The following ENOX1 variants were observed in gnomAD, a reference collection of about 807,000 sequenced individuals.
The protein encoded by ENOX1 is candidate growth-related and time keeping constitutive hydroquinone (NADH) oxidase.
In ENOX1, 42 loss-of-function variants were observed where a neutral mutation model predicts 82.5. The observed-to-expected ratio is 0.51, with a 90% CI of 0.40 to 0.66. ENOX1 has a LOEUF of 0.66. Among genes scored for constraint, ENOX1 ranks in the 30% least tolerant of loss-of-function variants. ENOX1 has a pLI of 0.00. For missense variants in ENOX1, 608 were observed against 811.6 expected, an observed-to-expected ratio of 0.75 and a Z score of 3.05; for synonymous variants, 271 against 282.2, an observed-to-expected ratio of 0.96 and a Z score of 0.40.
At chr13:43,288,839 ATC>A (rs1468098886) in intron 12 of ENOX1, among the ~76,000 whole-genome samples, 1 of 152,116 alleles carries the variant, frequency 6.6e-6, no homozygotes, top group Admixed American at 6.6e-5. Flanking sequence ...AAGTATTTAC[ATC>A]TTTCATAATG....
At chr13:43,451,696 TCTC>T (rs780734898) in intron 3 of ENOX1, among the ~76,000 whole-genome samples, 7 of 152,206 alleles carry the variant, frequency 4.6e-5, no homozygotes, top group Admixed American at 2.6e-4. Context: ...TTGCTCCTAG[TCTC>T]CTACTTCTAC....
At chr13:43,543,659 A>G (rs1252530395) in intron 2 of ENOX1, among the ~76,000 whole-genome samples, 1 of 149,844 alleles carries the variant, frequency 6.7e-6, no homozygotes, top group Non-Finnish European at 1.5e-5. Flanking sequence ...GTTACCCATA[A>G]TGATGCAAAG....
intron 8 of ENOX1, among the ~76,000 whole-genome samples, chr13:43,354,045 G>C (rs1384673839): frequency 6.6e-6 from 1 of 152,110 alleles, no homozygotes; most frequent in East Asian, 1.9e-4. Context: ...CACAGATCAA[G>C]GTGCAGTTTT....
chr13:43,413,049 A>C, intron 3 of ENOX1, 61 bp from the exon 4 acceptor site: 1 of 1,397,358 alleles, frequency 7.2e-7, no homozygotes, highest in Non-Finnish European at 9.4e-7. Context: ...TAAAACGTCA[A>C]GGAACAAACT....
At chr13:43,693,930 G>T (rs763442103) in intron 1 of ENOX1, among the ~76,000 whole-genome samples, 2 of 152,036 alleles carry the variant, frequency 1.3e-5, no homozygotes, top group Non-Finnish European at 2.9e-5. Context: ...TTAAAATAGG[G>T]TTTATCAACC....
chr13:43,359,649 TG>T, intron 7 of ENOX1: 1 of 579,048 alleles, frequency 1.7e-6, no homozygotes, highest in Non-Finnish European at 3.1e-6. Context: ...GACTGGATGG[TG>T]GGAAATTGCT....
intron 2 of ENOX1, chr13:43,544,187 C>G (rs1162234764): frequency 6.6e-6 from 1 of 152,038 alleles, no homozygotes; most frequent in African/African-American, 2.4e-5. Flanking sequence ...GCCTAAGCTA[C>G]TGTCTACCAG....
chr13:43,591,326 A>C (rs927871674), intron 2 of ENOX1, among the ~76,000 whole-genome samples: 2 of 152,266 alleles, frequency 1.3e-5, no homozygotes, highest in African/African-American at 4.8e-5. Context: ...AAGTGTAGCT[A>C]CACAAATTAA....
At chr13:43,513,302 A>G (rs571410444) in intron 2 of ENOX1, among the ~76,000 whole-genome samples, 3 of 152,220 alleles carry the variant, frequency 2.0e-5, no homozygotes, top group Admixed American at 1.3e-4. Context: ...GAGCAGGGGA[A>G]GAAAGGGTGT....
chr13:43,712,536 T>G (rs1392094935), intron 1 of ENOX1, among the ~76,000 whole-genome samples: 2 of 150,566 alleles, frequency 1.3e-5, no homozygotes, highest in African/African-American at 2.4e-5. Flanking sequence ...ATATTGATTC[T>G]TCCTACCCAT....
chr13:43,589,662 C>T (rs1335210229), intron 2 of ENOX1, among the ~76,000 whole-genome samples: 14 of 151,686 alleles, frequency 9.2e-5, no homozygotes, highest in Non-Finnish European at 1.8e-4. Context: ...GCCACTATGC[C>T]CAACTAATTT....
chr13:43,398,426 C>T (rs2053283486), intron 5 of ENOX1, among the ~76,000 whole-genome samples: 1 of 152,116 alleles, frequency 6.6e-6, no homozygotes, highest in Non-Finnish European at 1.5e-5. Context: ...ACTTTAGTTG[C>T]AGTTTCCAGG....
intron 2 of ENOX1, among the ~76,000 whole-genome samples, chr13:43,623,222 C>T (rs188721674): frequency 1.3e-5 from 2 of 152,252 alleles, no homozygotes; most frequent in African/African-American, 4.8e-5. Flanking sequence ...TTTTTGCCTG[C>T]CTGTGGAGTC....
intron 1 of ENOX1, among the ~76,000 whole-genome samples, chr13:43,693,611 G>A (rs1192205432): frequency 6.6e-6 from 1 of 152,152 alleles, no homozygotes; most frequent in African/African-American, 2.4e-5. Flanking sequence ...AATAGAAAAG[G>A]TGAAGCTAAT....
At chr13:43,214,890 T>C (rs1205486084) in intron 16 of ENOX1, among the ~76,000 whole-genome samples, 3 of 152,188 alleles carry the variant, frequency 2.0e-5, no homozygotes, top group African/African-American at 7.2e-5. Context: ...GGGTCTGATA[T>C]TCTGTTTGAA....
chr13:43,599,566 C>T (rs1185860176), intron 2 of ENOX1, among the ~76,000 whole-genome samples: 2 of 151,984 alleles, frequency 1.3e-5, no homozygotes, highest in African/African-American at 4.8e-5. Flanking sequence ...AAGTGCTCTA[C>T]AGATCTCAAT....
At chr13:43,469,367 T>C (rs1339483213) in intron 3 of ENOX1, among the ~76,000 whole-genome samples, 2 of 152,038 alleles carry the variant, frequency 1.3e-5, no homozygotes, top group East Asian at 1.9e-4. Flanking sequence ...TTTGCTAGTA[T>C]CTTGCTGAGA....
At chr13:43,357,103 T>C (rs2050205540) in intron 7 of ENOX1, among the ~76,000 whole-genome samples, 1 of 152,112 alleles carries the variant, frequency 6.6e-6, no homozygotes, top group Admixed American at 6.5e-5. Context: ...GCTCTTCAGT[T>C]TGGGGTACTC....
At chr13:43,554,908 AT>A (rs2079365408) in intron 2 of ENOX1, among the ~76,000 whole-genome samples, 7 of 152,186 alleles carry the variant, frequency 4.6e-5, no homozygotes, top group Non-Finnish European at 8.8e-5. Context: ...CCCTAGCCCA[AT>A]ATTCTCTTAA....
Sources: allele counts gnomAD v4.1 joint callset (sites outside exome capture counted in the v4.1 genomes callset), GRCh38; gene constraint gnomAD v4.1.1; transcripts MANE v1.5; gene names NCBI Gene and HGNC (gene_info 2026-07-23, HGNC 2026-07-21).